The following PRIM2 variants were observed in gnomAD, a reference collection of about 807,000 sequenced individuals.
The protein encoded by PRIM2 is DNA primase subunit 2.
A neutral mutation model predicts 67.3 loss-of-function variants in PRIM2; 39 were observed. That is an observed-to-expected ratio of 0.58 (90% CI 0.45 to 0.76). The LOEUF is 0.76. Among genes scored for constraint, PRIM2 ranks in the 30% least tolerant of loss-of-function variants. PRIM2 has a pLI of 0.00. For missense variants in PRIM2, 398 were observed against 598.7 expected (o/e 0.66, Z 3.50); for synonymous variants, 143 against 198.7 (o/e 0.72, Z 2.36).
chr6:57,302,388 C>T, the PRIM2 span, among the ~76,000 whole-genome samples: 1 of 152,022 alleles, frequency 6.6e-6, no homozygotes, highest in Non-Finnish European at 1.5e-5. Context: ...TCAGTGTTTT[C>T]CCCAGCACTT....
the PRIM2 span, among the ~76,000 whole-genome samples, chr6:57,230,304 C>T: frequency 1.3e-5 from 2 of 152,154 alleles, no homozygotes; most frequent in East Asian, 3.9e-4. Context: ...TCACTTCCAG[C>T]CTTCTCTTTC....
intron 5 of PRIM2, among the ~76,000 whole-genome samples, chr6:57,346,127 T>C (rs943084013): frequency 6.6e-6 from 1 of 152,250 alleles, no homozygotes; most frequent in African/African-American, 2.4e-5. Flanking sequence ...TCATAGCCAG[T>C]CTTGCTGACC....
intron 7 of PRIM2, among the ~76,000 whole-genome samples, chr6:57,489,440 T>C (rs1291513581): frequency 1.4e-4 from 21 of 152,388 alleles, no homozygotes; most frequent in African/African-American, 5.0e-4. Context: ...ACCTGTAGTC[T>C]CAGCTACTCA....
intron 7 of PRIM2, among the ~76,000 whole-genome samples, chr6:57,441,964 A>G (rs1422382746): frequency 6.6e-6 from 1 of 152,092 alleles, no homozygotes; most frequent in Admixed American, 6.6e-5. Flanking sequence ...AGTTTTGGAA[A>G]TATTTTCTGA....
rs1777344653 is a variant in PRIM2 at position 57,646,794 on chromosome 6, T to G, written c.*636T>G. ...CTTTTGTTTTAACTCTTAATCACTT[T>G]GTAATTTTGACTCAATCCTTTTCTG... is the stretch of plus-strand genomic sequence containing the variant. On this transcript the variant is annotated 3_prime_UTR_variant, in exon 14 of 14. Transcript: ENST00000615550. 6.6e-6 allele frequency: 1 copy of G among 152,260 alleles called. No homozygotes were observed. Among genetic ancestry groups the G allele is most frequent in the Non-Finnish European group, 1.5e-5 (1 of 68,052 alleles). 9.4% of individuals were successfully genotyped at this position (152,260 alleles called of 1,614,324 possible).
Position 57,537,426 on chromosome 6 carries a change from T to G in PRIM2, c.835-14T>G, listed in dbSNP as rs1562786356. On this transcript the variant is annotated splice_polypyrimidine_tract_variant and intron_variant, in intron 9 of 13. Transcript: ENST00000615550. ...TTCCACTTAACTTAAAACTCTACTA[T>G]TTTTTTCTTGTAGCTTTCTACCAAA... The G allele has an allele frequency of 3.8e-6, 5 of 1,328,632 alleles. No homozygotes were observed. Among genetic ancestry groups the G allele is most frequent in the East Asian group, 4.7e-5 (2 of 42,306 alleles). The allele number at this position is 1,328,632 out of a possible 1,614,324, so 82.3% of individuals were successfully genotyped here. A position where few individuals can be genotyped will look rare whatever the true frequency, so the allele number is the denominator to read the frequency against.
intron 12 of PRIM2, among the ~76,000 whole-genome samples, chr6:57,611,635 T>G (rs1776667997): frequency 6.6e-6 from 1 of 152,128 alleles, no homozygotes; most frequent in Non-Finnish European, 1.5e-5. Context: ...TATATAAAAA[T>G]TATTTAAAAA....
chr6:57,641,303 C>T (rs1253428854), intron 13 of PRIM2, among the ~76,000 whole-genome samples: 1 of 152,204 alleles, frequency 6.6e-6, no homozygotes, highest in East Asian at 1.9e-4. Flanking sequence ...AAAACCTAGG[C>T]AAAACCAATC....
intron 10 of PRIM2, among the ~76,000 whole-genome samples, chr6:57,574,096 G>A (rs1332079912): frequency 1.3e-5 from 2 of 152,026 alleles, no homozygotes; most frequent in East Asian, 3.9e-4. Flanking sequence ...ACCAGCCTCC[G>A]ATTGGCCATG....
At chr6:57,460,744 GTGT>G (rs1772977684) in intron 7 of PRIM2, among the ~76,000 whole-genome samples, 1 of 152,100 alleles carries the variant, frequency 6.6e-6, no homozygotes, top group African/African-American at 2.4e-5. Flanking sequence ...CTTCTAAGCT[GTGT>G]TTTCCTTGCT....
intron 10 of PRIM2, among the ~76,000 whole-genome samples, chr6:57,592,592 C>A (rs1347300736): frequency 1.3e-5 from 2 of 151,946 alleles, no homozygotes; most frequent in African/African-American, 4.8e-5. Flanking sequence ...GTTAAGAGTT[C>A]GAGACCAGCC....
intron 5 of PRIM2, among the ~76,000 whole-genome samples, chr6:57,342,156 A>G (rs1407366019): frequency 3.3e-5 from 5 of 152,134 alleles, no homozygotes; most frequent in African/African-American, 1.2e-4. Context: ...TTTTTAGTCT[A>G]TACTGGGTTT....
At chr6:57,292,271 T>C in the PRIM2 span, among the ~76,000 whole-genome samples, 1 of 152,222 alleles carries the variant, frequency 6.6e-6, no homozygotes, top group South Asian at 2.1e-4. Flanking sequence ...ATAAAATATC[T>C]TGGAATACAA....
At chr6:57,516,952 T>C (rs1774500107) in intron 8 of PRIM2, among the ~76,000 whole-genome samples, 1 of 152,154 alleles carries the variant, frequency 6.6e-6, no homozygotes, top group Non-Finnish European at 1.5e-5. Context: ...CTGGAAATAA[T>C]GAAACTTCGC....
chr6:57,631,198 T>G (rs1364655145), intron 12 of PRIM2, among the ~76,000 whole-genome samples: 1 of 152,164 alleles, frequency 6.6e-6, no homozygotes, highest in Non-Finnish European at 1.5e-5. Flanking sequence ...TGAGACCCCA[T>G]GTTCATTTCT....
intron 3 of PRIM2, among the ~76,000 whole-genome samples, chr6:57,323,443 G>T (rs1292783472): frequency 6.6e-6 from 1 of 152,120 alleles, no homozygotes; most frequent in Non-Finnish European, 1.5e-5. Flanking sequence ...AGAGGGGTTG[G>T]TGGGAAGAAA....
intron 5 of PRIM2, among the ~76,000 whole-genome samples, chr6:57,348,002 C>T (rs1260961982): frequency 1.3e-5 from 2 of 152,004 alleles, no homozygotes; most frequent in Non-Finnish European, 2.9e-5. Context: ...ACATTAGTTT[C>T]GGAAATTAAA....
At chr6:57,254,821 G>A in the PRIM2 span, among the ~76,000 whole-genome samples, 2 of 152,168 alleles carry the variant, frequency 1.3e-5, no homozygotes, top group African/African-American at 4.8e-5. Context: ...TAAATTTACC[G>A]AGGCTCCAGA....
intron 7 of PRIM2, among the ~76,000 whole-genome samples, chr6:57,436,972 C>T (rs1324810185): frequency 6.6e-6 from 1 of 152,092 alleles, no homozygotes; most frequent in African/African-American, 2.4e-5. Context: ...TAAGGAAATA[C>T]TCGAGACTGG....
Sources: gnomAD v4.1 joint callset for allele counts (sites outside exome capture counted in the v4.1 genomes callset) on GRCh38, gnomAD v4.1.1 for gene constraint, MANE v1.5 for transcripts, NCBI Gene and HGNC (gene_info 2026-07-23, HGNC 2026-07-21) for gene names.